ZNF385D: variants seen among roughly 807,000 people sequenced by gnomAD.
ZNF385D encodes zinc finger protein 385D, also known as zinc finger protein 659.
Under a neutral mutation model 35.8 loss-of-function variants are expected in ZNF385D, and 15 were observed. The observed-to-expected ratio is 0.42, with a 90% CI of 0.28 to 0.64. The LOEUF is 0.64. Among genes scored for constraint, ZNF385D ranks in the 30% least tolerant of loss-of-function variants. ZNF385D has a pLI of 0.23. For synonymous variants in ZNF385D, 212 were observed against 186.8 expected, an observed-to-expected ratio of 1.13 and a Z score of -1.10; for missense variants, 474 against 494.6, an observed-to-expected ratio of 0.96 and a Z score of 0.39.
At chr3:21,598,695 T>G (rs1575285935) in intron 2 of ZNF385D, among the ~76,000 whole-genome samples, 1 of 152,270 alleles carries the variant, frequency 6.6e-6, no homozygotes, top group East Asian at 1.9e-4. Context: ...AAACCACAAA[T>G]TAGGTACTGT....
intron 2 of ZNF385D, among the ~76,000 whole-genome samples, chr3:22,268,625 G>T (rs962216622): frequency 2.0e-5 from 3 of 152,182 alleles, no homozygotes; most frequent in African/African-American, 7.2e-5. Context: ...TTTGGCATGG[G>T]CCATAGTCCA....
At chr3:21,876,126 A>G (rs545810250) in intron 3 of ZNF385D, among the ~76,000 whole-genome samples, 4 of 152,228 alleles carry the variant, frequency 2.6e-5, no homozygotes, top group Non-Finnish European at 5.9e-5. Flanking sequence ...GATATCAGGA[A>G]TGATATTGTT....
At chr3:22,006,415 T>G (rs1310115160) in intron 3 of ZNF385D, among the ~76,000 whole-genome samples, 1 of 152,246 alleles carries the variant, frequency 6.6e-6, no homozygotes, top group Non-Finnish European at 1.5e-5. Context: ...TATTTCAAAT[T>G]TATAACTCTG....
intron 3 of ZNF385D, among the ~76,000 whole-genome samples, chr3:21,993,147 G>T (rs1695244281): frequency 6.6e-6 from 1 of 152,150 alleles, no homozygotes; most frequent in Non-Finnish European, 1.5e-5. Flanking sequence ...TTAGGGAAAA[G>T]ATATCAGCTA....
At chr3:21,616,675 G>C (rs1196142333) in intron 2 of ZNF385D, among the ~76,000 whole-genome samples, 1 of 152,034 alleles carries the variant, frequency 6.6e-6, no homozygotes, top group South Asian at 2.1e-4. Context: ...ATTATACTTA[G>C]TATGTGGGTT....
At chr3:21,506,134 G>A (rs920007104) in intron 4 of ZNF385D, among the ~76,000 whole-genome samples, 2 of 152,074 alleles carry the variant, frequency 1.3e-5, no homozygotes, top group African/African-American at 4.8e-5. Flanking sequence ...CTTCTCTAGA[G>A]GAGAATTATT....
chr3:21,523,058 G>A (rs1170238894), intron 3 of ZNF385D, among the ~76,000 whole-genome samples: 1 of 152,220 alleles, frequency 6.6e-6, no homozygotes, highest in Non-Finnish European at 1.5e-5. Flanking sequence ...TCACACAGTG[G>A]TTGTTTGTGT....
chr3:21,991,089 T>G (rs142824887), intron 3 of ZNF385D, among the ~76,000 whole-genome samples: 334 of 152,338 alleles, frequency 2.2e-3, no homozygotes, highest in African/African-American at 6.8e-3. Context: ...TGAATAATTA[T>G]GAAAATGTAA....
intron 2 of ZNF385D, among the ~76,000 whole-genome samples, chr3:22,237,637 T>C (rs1377037227): frequency 6.6e-6 from 1 of 152,136 alleles, no homozygotes. Flanking sequence ...CTTTTTGCTC[T>C]TAAATTTAGA....
rs1049130144 is a variant in ZNF385D, at chr3:22,181,737, G to C, written c.107-12702C>G. On this transcript the variant is annotated intron_variant, in intron 2 of 5. Coordinates refer to the ZNF385D transcript ENST00000494108. ...AAAAAGAATATGGTAAAGGTGATGG[G>C]ATATACATCATGAGTGGGATTATGT... 5.3e-5 allele frequency among the ~76,000 whole-genome samples: 8 copies of C among 151,806 alleles called. No individual in the cohort carries two copies. In the South Asian group the frequency reaches 1.0e-3, roughly 20 times the overall value.
intron 3 of ZNF385D, among the ~76,000 whole-genome samples, chr3:22,125,233 A>C (rs1221982490): frequency 1.3e-5 from 2 of 152,006 alleles, no homozygotes; most frequent in African/African-American, 2.4e-5. Context: ...GTAGGTGTAT[A>C]AATTTATTTC....
intron 3 of ZNF385D, among the ~76,000 whole-genome samples, chr3:22,058,676 T>G (rs1421366381): frequency 2.0e-5 from 3 of 152,340 alleles, no homozygotes; most frequent in East Asian, 3.9e-4. Flanking sequence ...TACCATTTGT[T>G]TTGTTTATAT....
chr3:22,230,106 C>T (rs1466025448), intron 2 of ZNF385D, among the ~76,000 whole-genome samples: 1 of 152,140 alleles, frequency 6.6e-6, no homozygotes, highest in East Asian at 1.9e-4. Flanking sequence ...CAACGATGAG[C>T]CTCCCAGAGG....
At chr3:21,830,959 G>C (rs577650051) in intron 3 of ZNF385D, among the ~76,000 whole-genome samples, 1 of 152,216 alleles carries the variant, frequency 6.6e-6, no homozygotes, top group Non-Finnish European at 1.5e-5. Context: ...AAGATATTCT[G>C]TTAAAAACTA....
intron 3 of ZNF385D, among the ~76,000 whole-genome samples, chr3:21,846,799 A>G (rs939855022): frequency 6.6e-6 from 1 of 152,012 alleles, no homozygotes; most frequent in African/African-American, 2.4e-5. Flanking sequence ...AGCACCTCTA[A>G]GAAGCTAGAA....
chr3:22,087,339 T>C (rs372958196), intron 3 of ZNF385D, among the ~76,000 whole-genome samples: 1 of 152,080 alleles, frequency 6.6e-6, no homozygotes, highest in East Asian at 1.9e-4. Context: ...TCTGAACACA[T>C]GAACACTCAG....
chr3:22,318,162 A>G (rs1469266898), intron 2 of ZNF385D, among the ~76,000 whole-genome samples: 1 of 152,174 alleles, frequency 6.6e-6, no homozygotes, highest in East Asian at 1.9e-4. Flanking sequence ...TTCTGAGGAA[A>G]TTACAATACT....
In ZNF385D at chr3:21,468,156, A is replaced by G. The variant is rs540527572; in HGVS notation, c.440-30953T>C. 3.3e-5 allele frequency among the ~76,000 whole-genome samples: 5 copies of G among 152,040 alleles called. No individual in the cohort carries two copies. The East Asian group carries it at 9.7e-4, about 30-fold the overall frequency. ...GTGGTGGCTCATGCCTGTAATCCCA[A>G]CACTCTGGGAGGCTGAGGCGGGCGG... On this transcript the variant is annotated intron_variant, in intron 4 of 7. Coordinates refer to ENST00000281523, the MANE Select transcript of ZNF385D (RefSeq NM_024697.3).
chr3:21,528,563 A>G (rs1037596699), intron 3 of ZNF385D, among the ~76,000 whole-genome samples: 3 of 152,200 alleles, frequency 2.0e-5, no homozygotes, highest in African/African-American at 7.2e-5. Context: ...AATATGATGG[A>G]AGGTACTGGA....
Sources: allele counts gnomAD v4.1 joint callset (sites outside exome capture counted in the v4.1 genomes callset), GRCh38; gene constraint gnomAD v4.1.1; transcripts MANE v1.5; gene names NCBI Gene and HGNC (gene_info 2026-07-23, HGNC 2026-07-21).